Variants in IMMT observed in about 807,000 individuals in gnomAD.
IMMT encodes the protein inner membrane mitochondrial protein, also known as MICOS complex subunit MIC60.
In IMMT, 40 loss-of-function variants were observed where a neutral mutation model predicts 92.7. The observed-to-expected ratio is 0.43, with a 90% confidence interval of 0.34 to 0.56. The LOEUF (loss-of-function observed/expected upper bound fraction) is 0.56. Ranked by LOEUF, IMMT falls within the 20% of genes least tolerant of loss-of-function variation. The pLI, the probability that IMMT is intolerant of heterozygous loss-of-function variation, is 0.03. For synonymous variants in IMMT, 322 were observed against 336.1 expected (o/e 0.96, Z 0.46); for missense variants, 831 against 912.1 (o/e 0.91, Z 1.14).
At chr2:86,194,071 T>C (rs1238350243) in intron 1 of IMMT, among the ~76,000 whole-genome samples, 1 of 152,220 alleles carries the variant, frequency 6.6e-6, no homozygotes, top group Non-Finnish European at 1.5e-5. Context: ...GGCAAGGAAC[T>C]GTAGGCAGGC....
intron 12 of IMMT, among the ~76,000 whole-genome samples, chr2:86,149,481 T>C (rs956661728): frequency 1.3e-5 from 2 of 152,212 alleles, no homozygotes; most frequent in African/African-American, 4.8e-5. Context: ...GACTATGTTT[T>C]ATTTGCCTGC....
Position 86,144,240 on chromosome 2 carries a change from T to C in IMMT, c.*28A>G. On this transcript the variant is annotated 3_prime_UTR_variant, in exon 15 of 15. Coordinates refer to ENST00000410111, the MANE Select transcript of IMMT (RefSeq NM_006839.3). Reference sequence around the variant, plus strand: ...ACTGCTGATTTCCTTTGACATGAAATATGACTTTATGAAAATCTTCCTAAA... The same window carrying C: ...ACTGCTGATTTCCTTTGACATGAAACATGACTTTATGAAAATCTTCCTAAA... The C allele has an allele frequency of 6.2e-7, 1 of 1,610,392 alleles. No individual in the cohort carries two copies. Among genetic ancestry groups the C allele is most frequent in the Non-Finnish European group, 8.5e-7 (1 of 1,177,334 alleles).
intron 6 of IMMT, among the ~76,000 whole-genome samples, chr2:86,168,664 T>TA (rs1338843430): frequency 2.0e-5 from 3 of 150,988 alleles, no homozygotes; most frequent in African/African-American, 4.9e-5. Context: ...TGACAAAAAA[T>TA]AAAAAATGTA....
chr2:86,177,006 G>A (rs1158790400), intron 3 of IMMT, among the ~76,000 whole-genome samples: 2 of 152,216 alleles, frequency 1.3e-5, no homozygotes, highest in Admixed American at 6.5e-5. Context: ...AATAAATGAT[G>A]TAGAAGACTA....
chr2:86,180,587 A>G (rs565441824), intron 2 of IMMT, among the ~76,000 whole-genome samples: 1 of 152,014 alleles, frequency 6.6e-6, no homozygotes, highest in East Asian at 2.0e-4. Context: ...AACTCTTTAC[A>G]AAAGATAATA....
At chr2:86,149,441 G>T (rs1675296416) in intron 12 of IMMT, among the ~76,000 whole-genome samples, 1 of 152,196 alleles carries the variant, frequency 6.6e-6, no homozygotes, top group Non-Finnish European at 1.5e-5. Context: ...GTAGTCCATG[G>T]AGGATTTCCA....
chr2:86,184,962 G>A (rs1672664676), intron 1 of IMMT, among the ~76,000 whole-genome samples: 1 of 152,170 alleles, frequency 6.6e-6, no homozygotes, highest in African/African-American at 2.4e-5. Context: ...GCCGAAGCGG[G>A]CGGATCACAA....
rs1290378617 is a variant in IMMT at position 86,181,329 on chromosome 2, C to T, written c.89G>A (p.Cys30Tyr). ...GKFVLRPLRP[C>Y]RRYSTSGSSG... is the part of the protein sequence containing the mutation. ...GCTGCCTGAAGTAGAGTATCTGCGG[C>T]ATGGTCGCAATGGACGGAGGACAAA... The change falls in exon 2 of 15, where the codon TGC becomes TAC. Residue 30 changes from cysteine (C) to tyrosine (Y), a missense_variant. Coordinates refer to ENST00000410111, the MANE Select transcript of IMMT (RefSeq NM_006839.3). The T allele has an allele frequency of 6.2e-7, 1 of 1,613,652 alleles. No homozygotes were observed. The highest frequency in any genetic ancestry group is 1.3e-5 in the African/African-American group (1 of 74,896).
intron 11 of IMMT, 31 bp downstream of exon 11, chr2:86,153,529 A>C (rs1340913354): frequency 7.4e-7 from 1 of 1,357,294 alleles, no homozygotes; most frequent in Admixed American, 2.9e-5. Flanking sequence ...AAAACAAAAG[A>C]CTTTAAACAT....
chr2:86,179,977 C>T (rs910181769), intron 2 of IMMT, among the ~76,000 whole-genome samples: 18 of 151,960 alleles, frequency 1.2e-4, no homozygotes, highest in Admixed American at 6.6e-4. Context: ...CTCAAGAGGC[C>T]GAGGTAGGAG....
At chr2:86,172,392 G>A (rs1018669646) in intron 4 of IMMT, among the ~76,000 whole-genome samples, 4 of 152,110 alleles carry the variant, frequency 2.6e-5, no homozygotes, top group Admixed American at 6.6e-5. Context: ...CACCCAGGCT[G>A]GAGTGTAGGG....
chr2:86,148,935 CAATGGTGCTT>C (rs1675255456), intron 12 of IMMT, among the ~76,000 whole-genome samples: 2 of 152,212 alleles, frequency 1.3e-5, no homozygotes, highest in Middle Eastern at 3.2e-3. Context: ...TGTACGGATC[CAATGGTGCTT>C]AGGGCAGACG....
chr2:86,148,617 GAAAAA>G (rs1241804158), intron 12 of IMMT, among the ~76,000 whole-genome samples: 1 of 151,672 alleles, frequency 6.6e-6, no homozygotes, highest in African/African-American at 2.4e-5. Flanking sequence ...ATCTCAAAAA[GAAAAA>G]AGAAAAGAAA....
chr2:86,176,326 C>T (rs1024377625), intron 3 of IMMT, among the ~76,000 whole-genome samples: 4 of 152,168 alleles, frequency 2.6e-5, no homozygotes, highest in Admixed American at 2.0e-4. Context: ...TATCATAGCA[C>T]TTCTTTTAGA....
chr2:86,183,367 T>C (rs112241484), intron 1 of IMMT, among the ~76,000 whole-genome samples: 4,577 of 152,272 alleles, frequency 0.03, 205 homozygotes, highest in African/African-American at 0.1. Flanking sequence ...GGTCTCGAAC[T>C]CCTGGTCTCA....
chr2:86,162,309 C>T (rs1676344637), intron 7 of IMMT, among the ~76,000 whole-genome samples: 1 of 151,100 alleles, frequency 6.6e-6, no homozygotes, highest in South Asian at 2.1e-4. Flanking sequence ...TGAGCCACTG[C>T]CCAGCCATAT....
intron 1 of IMMT, among the ~76,000 whole-genome samples, chr2:86,182,777 G>A (rs924251262): frequency 4.6e-5 from 7 of 151,962 alleles, no homozygotes; most frequent in South Asian, 2.1e-4. Flanking sequence ...CTTGAGCCCC[G>A]GAGGTGGAGG....
chr2:86,186,628 C>A (rs1160268630), intron 1 of IMMT, among the ~76,000 whole-genome samples: 2 of 152,178 alleles, frequency 1.3e-5, no homozygotes, highest in African/African-American at 4.8e-5. Context: ...AGCCAACAGT[C>A]CCTGCTGAGG....
At chr2:86,191,350 A>G (rs1673104884) in intron 1 of IMMT, among the ~76,000 whole-genome samples, 1 of 151,532 alleles carries the variant, frequency 6.6e-6, no homozygotes, top group Admixed American at 6.6e-5. Flanking sequence ...ATCTCAAAAA[A>G]AAAAAAAAAA....
Sources: allele counts gnomAD v4.1 joint callset (sites outside exome capture counted in the v4.1 genomes callset), GRCh38; gene constraint gnomAD v4.1.1; transcripts MANE v1.5; gene names NCBI Gene and HGNC (gene_info 2026-07-23, HGNC 2026-07-21).